Variants in SYNJ2BP observed in about 807,000 individuals in gnomAD.
SYNJ2BP encodes the protein synaptojanin 2 binding protein, also known as synaptojanin-2-binding protein.
In SYNJ2BP, 10 loss-of-function variants were observed where a neutral mutation model predicts 16.9. The ratio of observed to expected loss-of-function variants is 0.59; its 90% CI spans 0.36 to 1.00. SYNJ2BP has a LOEUF of 1.00. Ranked by LOEUF, SYNJ2BP falls within the 50% of genes least tolerant of loss-of-function variation. The pLI is 0.01. For missense variants in SYNJ2BP, 162 were observed against 186.7 expected (o/e 0.87, Z 0.77); for synonymous variants, 54 against 68.4 (o/e 0.79, Z 1.04).
At chr14:70,380,056 T>A (rs182541292) in intron 2 of SYNJ2BP, among the ~76,000 whole-genome samples, 12 of 152,340 alleles carry the variant, frequency 7.9e-5, no homozygotes, top group Admixed American at 2.0e-4. Context: ...TCATCTTACA[T>A]GTATTAACTC....
intron 2 of SYNJ2BP, among the ~76,000 whole-genome samples, chr14:70,387,068 C>A (rs1246102023): frequency 1.3e-5 from 2 of 152,106 alleles, no homozygotes; most frequent in East Asian, 1.9e-4. Context: ...GGCTCCGAAG[C>A]CCTATCCTAT....
chr14:70,407,325 G>A (rs1436555302), intron 1 of SYNJ2BP, among the ~76,000 whole-genome samples: 1 of 151,982 alleles, frequency 6.6e-6, no homozygotes, highest in East Asian at 1.9e-4. Context: ...CTACTTGGGA[G>A]GCTGAGGCAG....
At chr14:70,391,836 T>C (rs1290686833) in intron 1 of SYNJ2BP, among the ~76,000 whole-genome samples, 1 of 152,230 alleles carries the variant, frequency 6.6e-6, no homozygotes, top group Admixed American at 6.5e-5. Flanking sequence ...TTATAACCCG[T>C]TGCTACTTCT....
intron 1 of SYNJ2BP, among the ~76,000 whole-genome samples, chr14:70,410,073 G>A (rs1262546349): frequency 6.6e-6 from 1 of 152,124 alleles, no homozygotes; most frequent in Non-Finnish European, 1.5e-5. Flanking sequence ...AACTGTCATA[G>A]TGCCACTGTA....
chr14:70,416,784 C>A, intron 1 of SYNJ2BP, 116 bp downstream of exon 1: 2 of 1,512,110 alleles, frequency 1.3e-6, no homozygotes, highest in South Asian at 2.4e-5. Context: ...TTGCACGAAA[C>A]CTCTAGGTTG....
chr14:70,408,190 A>G (rs1039731469), intron 1 of SYNJ2BP, among the ~76,000 whole-genome samples: 1 of 152,008 alleles, frequency 6.6e-6, no homozygotes, highest in Non-Finnish European at 1.5e-5. Flanking sequence ...GAAAAAGAGA[A>G]ACAGAAGCCC....
At chr14:70,395,479 C>A (rs989436625) in intron 1 of SYNJ2BP, among the ~76,000 whole-genome samples, 5 of 150,080 alleles carry the variant, frequency 3.3e-5, no homozygotes, top group Admixed American at 6.6e-5. Flanking sequence ...GATACACAAC[C>A]CCCCTGTCTG....
chr14:70,388,354 C>A, intron 2 of SYNJ2BP, 116 bp downstream of exon 2: 1 of 1,346,462 alleles, frequency 7.4e-7, no homozygotes. Context: ...TCCCATTCAA[C>A]TCTACAACCT....
intron 1 of SYNJ2BP, among the ~76,000 whole-genome samples, chr14:70,410,352 A>G (rs1457158824): frequency 6.6e-6 from 1 of 152,232 alleles, no homozygotes; most frequent in Non-Finnish European, 1.5e-5. Flanking sequence ...TGTACTCAGG[A>G]GGTCAAGGCT....
intron 1 of SYNJ2BP, among the ~76,000 whole-genome samples, chr14:70,408,839 C>T (rs893095582): frequency 6.6e-6 from 1 of 152,084 alleles, no homozygotes; most frequent in Non-Finnish European, 1.5e-5. Context: ...CATTCTGGCA[C>T]TTTTTCTTTT....
chr14:70,381,828 C>T (rs79828324), intron 2 of SYNJ2BP, among the ~76,000 whole-genome samples: 4,138 of 152,324 alleles, frequency 0.027, 83 homozygotes, highest in Middle Eastern at 0.075. Context: ...GACTACTTCC[C>T]CTATTTAATA....
At chr14:70,413,149 G>T (rs571277801) in intron 1 of SYNJ2BP, among the ~76,000 whole-genome samples, 4 of 152,108 alleles carry the variant, frequency 2.6e-5, no homozygotes, top group Non-Finnish European at 5.9e-5. Context: ...AAAACAAAAC[G>T]AAGTTCCAAA....
intron 2 of SYNJ2BP, among the ~76,000 whole-genome samples, chr14:70,377,532 T>A (rs1400594426): frequency 6.6e-6 from 1 of 152,202 alleles, no homozygotes; most frequent in Non-Finnish European, 1.5e-5. Context: ...CCTAGCTGAT[T>A]CCTTTATCTT....
At chr14:70,414,076 C>CTA (rs1281776448) in intron 1 of SYNJ2BP, among the ~76,000 whole-genome samples, 2 of 152,180 alleles carry the variant, frequency 1.3e-5, no homozygotes, top group African/African-American at 4.8e-5. Flanking sequence ...AGTCTCCTCC[C>CTA]TATATATCTT....
At chr14:70,416,598 T>A (rs1399302795) in intron 1 of SYNJ2BP, among the ~76,000 whole-genome samples, 1 of 152,126 alleles carries the variant, frequency 6.6e-6, no homozygotes, top group Non-Finnish European at 1.5e-5. Context: ...GTATCCACGA[T>A]AAGCAGGCTA....
At chr14:70,401,777 G>A (rs1287437024) in intron 1 of SYNJ2BP, among the ~76,000 whole-genome samples, 10 of 151,704 alleles carry the variant, frequency 6.6e-5, no homozygotes, top group African/African-American at 9.7e-5. Flanking sequence ...CAAATAGCTC[G>A]GACTACAGGA....
rs951626547 is a variant in SYNJ2BP, at chr14:70,370,415, T to C, written c.*2576A>G. 1 of 152,178 alleles carries C rather than the reference T, an allele frequency of 6.6e-6. No homozygotes were observed. The highest frequency in any genetic ancestry group is 1.5e-5 in the Non-Finnish European group (1 of 68,018). 9.4% of individuals were successfully genotyped at this position (152,178 alleles called of 1,614,324 possible). A position where few individuals can be genotyped will look rare whatever the true frequency, so the allele number is the denominator to read the frequency against. ...ACAACTAGAATGTTGTCCGTGTTTTTCTGTGGAACCTACAATGAGTCCAGT... is the reference window on the plus strand; with the variant it reads ...ACAACTAGAATGTTGTCCGTGTTTTCCTGTGGAACCTACAATGAGTCCAGT... On this transcript the variant is annotated 3_prime_UTR_variant, in exon 4 of 4. Coordinates refer to ENST00000256366, the MANE Select transcript of SYNJ2BP (RefSeq NM_018373.3).
intron 1 of SYNJ2BP, among the ~76,000 whole-genome samples, chr14:70,408,897 G>A (rs79601181): frequency 0.093 from 14,064 of 151,912 alleles, 918 homozygotes; most frequent in East Asian, 0.36. Context: ...GCAGTGGTAC[G>A]ATCTCAGGTC....
intron 1 of SYNJ2BP, among the ~76,000 whole-genome samples, chr14:70,403,876 A>G (rs1474515429): frequency 6.6e-6 from 1 of 152,216 alleles, no homozygotes; most frequent in Non-Finnish European, 1.5e-5. Context: ...CAGTAACAAA[A>G]TGGCTTTAAA....
Sources: gnomAD v4.1 joint callset for allele counts (sites outside exome capture counted in the v4.1 genomes callset) on GRCh38, gnomAD v4.1.1 for gene constraint, MANE v1.5 for transcripts, NCBI Gene and HGNC (gene_info 2026-07-23, HGNC 2026-07-21) for gene names.